SLC22A9: variants seen among roughly 807,000 people sequenced by gnomAD.
The protein encoded by SLC22A9 is organic anion transporter 7.
In SLC22A9, 64 loss-of-function variants were observed where a neutral mutation model predicts 50.1. That is an observed-to-expected ratio of 1.28 (90% CI 1.04 to 1.57). The LOEUF is 1.57. Among genes scored for constraint, SLC22A9 ranks in the 40% most tolerant of loss-of-function variants. The pLI, the probability that SLC22A9 is intolerant of heterozygous loss-of-function variation, is 0.00. For synonymous variants in SLC22A9, 261 were observed against 242.5 expected (o/e 1.08, Z -0.71); for missense variants, 757 against 676.1 (o/e 1.12, Z -1.33).
At chr11:63,393,703 G>T in intron 6 of SLC22A9, among the ~76,000 whole-genome samples, 1 of 152,006 alleles carries the variant, frequency 6.6e-6, no homozygotes, top group South Asian at 2.1e-4. Flanking sequence ...TGGGTAACCC[G>T]AACTTTCTCT....
intron 5 of SLC22A9, among the ~76,000 whole-genome samples, chr11:63,380,517 T>A (rs1251078838): frequency 6.6e-6 from 1 of 152,068 alleles, no homozygotes; most frequent in Non-Finnish European, 1.5e-5. Context: ...AAAAAAGAGG[T>A]CATGTCCTTT....
chr11:63,386,641 T>C (rs2014674362), intron 6 of SLC22A9, among the ~76,000 whole-genome samples: 1 of 151,630 alleles, frequency 6.6e-6, no homozygotes. Context: ...CTGATGGTAG[T>C]TTGTATTTCT....
intron 6 of SLC22A9, among the ~76,000 whole-genome samples, chr11:63,385,901 G>T (rs959156330): frequency 6.6e-6 from 1 of 152,134 alleles, no homozygotes; most frequent in Non-Finnish European, 1.5e-5. Context: ...TCCAGCTTTT[G>T]CCCATTCAGA....
chr11:63,384,914 T>C (rs933959150), intron 6 of SLC22A9, among the ~76,000 whole-genome samples: 7 of 152,160 alleles, frequency 4.6e-5, no homozygotes, highest in African/African-American at 1.7e-4. Context: ...TTTTCATATG[T>C]TTGTTAGCCA....
intron 6 of SLC22A9, among the ~76,000 whole-genome samples, chr11:63,384,890 T>A (rs1290488615): frequency 2.0e-5 from 3 of 152,166 alleles, no homozygotes; most frequent in Non-Finnish European, 4.4e-5. Flanking sequence ...TAGTGATCAG[T>A]GATGTTGAGC....
At position 63,408,539 on chromosome 11, in the gene SLC22A9, G is replaced by GA. The variant is rs1444996932; in HGVS notation, c.1398-133dup. The GA allele has an allele frequency of 8.7e-6, 7 of 802,780 alleles. No individual in the cohort carries two copies. In the African/African-American group the frequency reaches 1.2e-4, roughly 14 times the overall value. The allele number at this position is 802,780 out of a possible 1,614,324, so 49.7% of individuals were successfully genotyped here. A position where few individuals can be genotyped will look rare whatever the true frequency, so the allele number is the denominator to read the frequency against. ...AAATTAATTGCTAGCAAATAAAAGTGAAAATTTCAAACACAGGAGTATTTC... is the reference window on the plus strand; with the variant it reads ...AAATTAATTGCTAGCAAATAAAAGTGAAAAATTTCAAACACAGGAGTATTTC... On this transcript the variant is annotated intron_variant, in intron 8 of 9. Coordinates refer to ENST00000279178, the MANE Select transcript of SLC22A9 (RefSeq NM_080866.3).
chr11:63,393,265 G>A (rs1417564306), intron 6 of SLC22A9, among the ~76,000 whole-genome samples: 3 of 151,960 alleles, frequency 2.0e-5, no homozygotes, highest in African/African-American at 7.2e-5. Flanking sequence ...AAAAGGGTTG[G>A]GTTCTTGATT....
intron 6 of SLC22A9, among the ~76,000 whole-genome samples, chr11:63,384,128 C>T (rs2014618253): frequency 6.6e-6 from 1 of 151,576 alleles, no homozygotes; most frequent in African/African-American, 2.4e-5. Flanking sequence ...CAAAATAAAT[C>T]AGGGAGTAGA....
chr11:63,389,041 T>C (rs1386011212), intron 6 of SLC22A9, among the ~76,000 whole-genome samples: 1 of 152,184 alleles, frequency 6.6e-6, no homozygotes, highest in African/African-American at 2.4e-5. Context: ...AATCTCTGAT[T>C]TATTTGGATC....
intron 6 of SLC22A9, among the ~76,000 whole-genome samples, chr11:63,405,636 A>G (rs1458899927): frequency 6.6e-6 from 1 of 152,176 alleles, no homozygotes; most frequent in African/African-American, 2.4e-5. Flanking sequence ...TCTGTCACTC[A>G]ATAAGTTGTA....
Position 63,408,724 on chromosome 11 carries a change from C to G in SLC22A9, c.1446C>G (p.Ala482=), listed in dbSNP as rs778350226. ...INATFANIAG[A]LAPLMMILSV... ...CAACCTTTGCTAATATAGCAGGAGCCCTGGCTCCCCTCATGATGATCCTAA... is the reference window on the plus strand; with the variant it reads ...CAACCTTTGCTAATATAGCAGGAGCGCTGGCTCCCCTCATGATGATCCTAA... The change falls in exon 9 of 10, where the codon GCC becomes GCG. Residue 482 remains alanine (A), a synonymous_variant. Transcript: ENST00000279178. 1.5e-5 allele frequency: 24 copies of G among 1,613,830 alleles called. No homozygotes were observed. The highest frequency in any genetic ancestry group is 1.8e-5 in the Non-Finnish European group (21 of 1,179,940).
chr11:63,391,414 G>T (rs962554442), intron 6 of SLC22A9, among the ~76,000 whole-genome samples: 1 of 152,064 alleles, frequency 6.6e-6, no homozygotes, highest in Non-Finnish European at 1.5e-5. Context: ...CAGAAAGTGG[G>T]AAGTTGAAGT....
chr11:63,385,836 T>C (rs1010964216), intron 6 of SLC22A9, among the ~76,000 whole-genome samples: 1 of 152,144 alleles, frequency 6.6e-6, no homozygotes, highest in African/African-American at 2.4e-5. Flanking sequence ...CTATGTTGAA[T>C]AGGAATGGTG....
At chr11:63,376,276 A>T (rs1023303958) in intron 5 of SLC22A9, among the ~76,000 whole-genome samples, 1 of 152,134 alleles carries the variant, frequency 6.6e-6, no homozygotes, top group Admixed American at 6.6e-5. Flanking sequence ...TGCAGTGCCC[A>T]TATCAATCCA....
chr11:63,371,262 C>A lies in SLC22A9; in HGVS notation c.506+24C>A, dbSNP rs745415221. The A allele has an allele frequency of 9.2e-6, 14 of 1,519,522 alleles. No individual in the cohort carries two copies. The South Asian group carries it at 1.6e-4, about 17-fold the overall frequency. The allele number at this position is 1,519,522 out of a possible 1,614,324, so 94.1% of individuals were successfully genotyped here. ...AGGTGAGTGTGTATGGAACACAGCT[C>A]TCTTTAAGGGCATTTTTTATCAACT... On this transcript the variant is annotated intron_variant, in intron 2 of 9. Transcript: ENST00000279178.
intron 4 of SLC22A9, 126 bp downstream of exon 4, chr11:63,374,188 C>T: frequency 2.3e-6 from 2 of 859,712 alleles, no homozygotes; most frequent in Non-Finnish European, 3.3e-6. Flanking sequence ...ATAATCTGTG[C>T]TTGATGTGCA....
intron 6 of SLC22A9, among the ~76,000 whole-genome samples, chr11:63,386,624 G>A (rs1315447685): frequency 6.6e-6 from 1 of 151,350 alleles, no homozygotes; most frequent in Non-Finnish European, 1.5e-5. Flanking sequence ...GGTGTTTATT[G>A]TATCCTCTGA....
chr11:63,384,339 G>A (rs1405144481), intron 6 of SLC22A9, among the ~76,000 whole-genome samples: 1 of 152,110 alleles, frequency 6.6e-6, no homozygotes, highest in Admixed American at 6.6e-5. Flanking sequence ...TTCTCTCCCT[G>A]TGTCTATGTG....
chr11:63,369,836 C>G lies in SLC22A9; in HGVS notation c.-221C>G, dbSNP rs917280781. On this transcript the variant is annotated 5_prime_UTR_variant, in exon 1 of 10. Coordinates refer to ENST00000279178, the MANE Select transcript of SLC22A9 (RefSeq NM_080866.3). ...GAGTATCTGAGCAAATTATTTCTTA[C>G]GTGACTTTAGAGAAAACGGCTACCT... 4 of 487,642 alleles carry G rather than the reference C, an allele frequency of 8.2e-6. No homozygotes were observed. Among genetic ancestry groups the G allele is most frequent in the Non-Finnish European group, 1.4e-5 (4 of 278,902 alleles). 30.2% of individuals were successfully genotyped at this position (487,642 alleles called of 1,614,324 possible).
Sources: gnomAD v4.1 joint callset for allele counts (sites outside exome capture counted in the v4.1 genomes callset) on GRCh38, gnomAD v4.1.1 for gene constraint, MANE v1.5 for transcripts, NCBI Gene and HGNC (gene_info 2026-07-23, HGNC 2026-07-21) for gene names.